Variants in CRISPLD2 observed in about 807,000 individuals in gnomAD.
CRISPLD2 encodes the protein cysteine-rich secretory protein LCCL domain-containing 2.
In CRISPLD2, 47 loss-of-function variants were observed where a neutral mutation model predicts 71.1. The observed-to-expected ratio is 0.66, with a 90% CI of 0.52 to 0.84. The LOEUF is 0.84. CRISPLD2 is among the 40% of genes least tolerant of loss of function. The pLI, the probability that CRISPLD2 is intolerant of heterozygous loss-of-function variation, is 0.00. For missense variants in CRISPLD2, 830 were observed against 651.1 expected (o/e 1.27, Z -2.99); for synonymous variants, 317 against 250.1 (o/e 1.27, Z -2.52).
rs2071640073 is a variant in CRISPLD2 at position 84,889,268 on chromosome 16, C to T, written c.1344C>T (p.Val448=). 3 of 1,614,118 alleles carry T rather than the reference C, an allele frequency of 1.9e-6. No individual in the cohort carries two copies. The highest frequency in any genetic ancestry group is 1.7e-5 in the Admixed American group (1 of 60,010). The change falls in exon 14 of 15, where the codon GTC becomes GTT. Residue 448 remains valine, a synonymous_variant. Transcript: ENST00000262424. The stretch of plus-strand genomic sequence containing the variant: ...GCAAGACAGCCGTGCACGCGGGAGT[C>T]ATCAGCAACGAGAGTGGGGGTGACG... ...SICKTAVHAG[V]ISNESGGDVD...
chr16:84,851,406 G>A (rs1917086040), intron 5 of CRISPLD2, among the ~76,000 whole-genome samples: 1 of 152,226 alleles, frequency 6.6e-6, no homozygotes, highest in African/African-American at 2.4e-5. Context: ...AGGTTTGCAT[G>A]CTGGCCGCTG....
chr16:84,897,555 G>C lies in CRISPLD2; in HGVS notation c.1439+8192G>C, dbSNP rs78534774. On this transcript the variant is annotated intron_variant, in intron 14 of 14. Transcript: ENST00000262424. Reference sequence around the variant, plus strand: ...AGAAACAACCTCTGTAAACATTCCAGTGTATTTTCTTTCAGGTTTCTTCTG... The same window carrying C: ...AGAAACAACCTCTGTAAACATTCCACTGTATTTTCTTTCAGGTTTCTTCTG... Among the ~76,000 whole-genome samples, 214 of 152,328 alleles carry C rather than the reference G, an allele frequency of 1.4e-3. No homozygotes were observed. The East Asian group carries it at 0.02, about 14-fold the overall frequency.
Position 84,902,896 on chromosome 16 carries a change from C to A in CRISPLD2, c.1440-3692C>A, listed in dbSNP as rs372747922. Among the ~76,000 whole-genome samples the A allele has an allele frequency of 1.0e-3, 157 of 151,056 alleles. 1 individual carries two copies. The highest frequency in any genetic ancestry group is 3.7e-3 in the African/African-American group (152 of 41,016). ...CAAGCGATTCTCCTGCCTCAGCCTC[C>A]CAGGTAGCTGGGATTACTGGTGCCT... On this transcript the variant is annotated intron_variant, in intron 14 of 14. Transcript: ENST00000262424.
chr16:84,851,032 A>G (rs1177956132), intron 5 of CRISPLD2, among the ~76,000 whole-genome samples: 1 of 152,206 alleles, frequency 6.6e-6, no homozygotes, highest in Non-Finnish European at 1.5e-5. Context: ...AATTAGACCA[A>G]TCATAGATGA....
intron 6 of CRISPLD2, among the ~76,000 whole-genome samples, chr16:84,865,807 G>C (rs889644632): frequency 2.0e-5 from 3 of 152,210 alleles, no homozygotes; most frequent in African/African-American, 7.2e-5. Flanking sequence ...CTTTCAGGAT[G>C]AAAACTGGAA....
At chr16:84,881,196 A>G (rs2071565776) in intron 13 of CRISPLD2, among the ~76,000 whole-genome samples, 1 of 152,206 alleles carries the variant, frequency 6.6e-6, no homozygotes, top group African/African-American at 2.4e-5. Flanking sequence ...CTATTTAGTC[A>G]TCTTCCCAGC....
intron 6 of CRISPLD2, among the ~76,000 whole-genome samples, chr16:84,863,997 A>AG (rs146052761): frequency 6.2e-5 from 9 of 145,924 alleles, no homozygotes; most frequent in Non-Finnish European, 1.2e-4. Flanking sequence ...AGAGAGAAAA[A>AG]AAAAGAAAAG....
At chr16:84,831,421 T>A (rs1374480078) in intron 1 of CRISPLD2, among the ~76,000 whole-genome samples, 1 of 152,144 alleles carries the variant, frequency 6.6e-6, no homozygotes, top group African/African-American at 2.4e-5. Flanking sequence ...TTTTTTTCCT[T>A]TTTTCTTTTG....
chr16:84,882,348 A>AAAAAAAAAAAAAAAAAAAAAAAAAG, intron 13 of CRISPLD2, among the ~76,000 whole-genome samples: 1 of 25,326 alleles, frequency 3.9e-5, no homozygotes, highest in Non-Finnish European at 7.6e-5. Context: ...CCAATAAAGC[A>AAAAAAAAAAAAAAAAAAAAAAAAAG]AAAAAAAAAA....
At chr16:84,834,912 C>T (rs11640364) in intron 1 of CRISPLD2, among the ~76,000 whole-genome samples, 8,852 of 151,998 alleles carry the variant, frequency 0.058, 486 homozygotes, top group Admixed American at 0.18. Context: ...TAATCACCTC[C>T]GCAAAGGCCC....
In CRISPLD2 at chr16:84,850,854, G is replaced by C. The variant is rs568742686; in HGVS notation, c.608+171G>C. ...GTAATAGCTAAGCAGTGTCAACAAG[G>C]ACTCGGGTTCTTTCCGTCTTCCTGC... On this transcript the variant is annotated intron_variant, in intron 5 of 14. Coordinates refer to ENST00000262424, the MANE Select transcript of CRISPLD2 (RefSeq NM_031476.4). Among the ~76,000 whole-genome samples the C allele has an allele frequency of 4.6e-3, 701 of 152,222 alleles. 6 individuals carry two copies. Among genetic ancestry groups the C allele is most frequent in the Non-Finnish European group, 4.9e-3 (330 of 68,030 alleles).
At chr16:84,859,394 C>T (rs1160545447) in intron 6 of CRISPLD2, among the ~76,000 whole-genome samples, 1 of 152,182 alleles carries the variant, frequency 6.6e-6, no homozygotes, top group Non-Finnish European at 1.5e-5. Flanking sequence ...CAGTAGTCCC[C>T]AAAATGTCTG....
intron 5 of CRISPLD2, among the ~76,000 whole-genome samples, chr16:84,852,521 G>A (rs529262190): frequency 2.0e-5 from 3 of 152,296 alleles, no homozygotes; most frequent in African/African-American, 7.2e-5. Flanking sequence ...CGTGATCACC[G>A]GTTCTTTCCT....
At chr16:84,899,540 C>T (rs1382967971) in intron 14 of CRISPLD2, among the ~76,000 whole-genome samples, 1 of 152,210 alleles carries the variant, frequency 6.6e-6, no homozygotes, top group African/African-American at 2.4e-5. Flanking sequence ...GGTGCCCAAA[C>T]CTGCGGGAAT....
chr16:84,820,495 G>A (rs1916206900), intron 1 of CRISPLD2, among the ~76,000 whole-genome samples: 1 of 152,198 alleles, frequency 6.6e-6, no homozygotes, highest in Non-Finnish European at 1.5e-5. Context: ...TAACTGGAAA[G>A]CTGATGGCAT....
chr16:84,906,495 C>T, intron 14 of CRISPLD2, 93 bp from the exon 15 acceptor site: 3 of 1,333,228 alleles, frequency 2.3e-6, no homozygotes, highest in East Asian at 2.3e-5. Flanking sequence ...CGGGAGCAAG[C>T]AGGAGGCACC....
At chr16:84,893,538 G>A (rs1286198724) in intron 14 of CRISPLD2, among the ~76,000 whole-genome samples, 25 of 152,230 alleles carry the variant, frequency 1.6e-4, no homozygotes, top group Admixed American at 1.6e-3. Context: ...CCCACAGGGA[G>A]CACAACAGCA....
chr16:84,864,345 A>G (rs999785068), intron 6 of CRISPLD2, among the ~76,000 whole-genome samples: 3 of 152,154 alleles, frequency 2.0e-5, no homozygotes, highest in African/African-American at 7.2e-5. Context: ...TTAAATAGAG[A>G]GTCCTCAAAT....
rs151157087 is a variant in CRISPLD2, at chr16:84,826,971, A to G, written c.-75+6838A>G. On this transcript the variant is annotated intron_variant, in intron 1 of 14. Transcript: ENST00000262424. ...GTCTTCAAACAGAGGTCAGAGCAACATCAAATTTTTTTTTTTTATAATTTC... is the reference window on the plus strand; with the variant it reads ...GTCTTCAAACAGAGGTCAGAGCAACGTCAAATTTTTTTTTTTTATAATTTC... Among the ~76,000 whole-genome samples the G allele has an allele frequency of 2.1e-3, 321 of 152,018 alleles. 1 individual carries two copies. Among genetic ancestry groups the G allele is most frequent in the African/African-American group, 7.3e-3 (303 of 41,460 alleles).
Sources: allele counts gnomAD v4.1 joint callset (sites outside exome capture counted in the v4.1 genomes callset), GRCh38; gene constraint gnomAD v4.1.1; transcripts MANE v1.5; gene names NCBI Gene and HGNC (gene_info 2026-07-23, HGNC 2026-07-21).